Variants in NID2 observed in about 807,000 individuals in gnomAD.
The protein encoded by NID2 is nidogen-2.
NID2 carries 83 observed loss-of-function variants against 145.4 expected under a neutral mutation model. The observed-to-expected ratio is 0.57, with a 90% CI of 0.48 to 0.69. The LOEUF is 0.69. NID2 is among the 30% of genes least tolerant of loss of function. The pLI is 0.00. For missense variants in NID2, 1,807 were observed against 1,765.7 expected, an observed-to-expected ratio of 1.02 and a Z score of -0.42; for synonymous variants, 739 against 701.3, an observed-to-expected ratio of 1.05 and a Z score of -0.85.
intron 2 of NID2, among the ~76,000 whole-genome samples, chr14:52,067,088 T>A (rs893642358): frequency 2.0e-5 from 3 of 152,214 alleles, no homozygotes; most frequent in African/African-American, 7.2e-5. Context: ...CAATTGCACT[T>A]CCTGGAATGT....
intron 11 of NID2, among the ~76,000 whole-genome samples, chr14:52,028,284 TG>T (rs201916067): frequency 5.3e-5 from 8 of 150,858 alleles, no homozygotes; most frequent in African/African-American, 9.7e-5. Context: ...TTTTTTTTTT[TG>T]TTTTTTTGAG....
chr14:52,060,511 A>G (rs1460917953), intron 2 of NID2, among the ~76,000 whole-genome samples, 155 bp from the exon 3 acceptor site: 1 of 152,228 alleles, frequency 6.6e-6, no homozygotes. Flanking sequence ...TTTAAACATA[A>G]CCTTCTTTAA....
At position 52,005,016 on chromosome 14, in the gene NID2, G is replaced by GAAACTATAAATAATTGGTCCTTTC. The variant is rs2140334054; in HGVS notation, c.*446_*469dup. Reference sequence around the variant, plus strand: ...TAAAAAATCTTAGAACTTTTGTTGGGAAACTATAAATAATTGGTCCTTTCC... The same window carrying GAAACTATAAATAATTGGTCCTTTC: ...TAAAAAATCTTAGAACTTTTGTTGGGAAACTATAAATAATTGGTCCTTTCAAACTATAAATAATTGGTCCTTTCC... On this transcript the variant is annotated 3_prime_UTR_variant, in exon 22 of 22. Coordinates refer to ENST00000216286, the MANE Select transcript of NID2 (RefSeq NM_007361.4). 6.4e-6 allele frequency: 1 copy of GAAACTATAAATAATTGGTCCTTTC among 157,390 alleles called. No individual in the cohort carries two copies. Among genetic ancestry groups the GAAACTATAAATAATTGGTCCTTTC allele is most frequent in the East Asian group, 1.9e-4 (1 of 5,284 alleles). The allele number at this position is 157,390 out of a possible 1,614,324, so 9.7% of individuals were successfully genotyped here. A position where few individuals can be genotyped will look rare whatever the true frequency, so the allele number is the denominator to read the frequency against.
intron 18 of NID2, chr14:52,010,039 A>G (rs1738237365): frequency 6.6e-6 from 1 of 152,250 alleles, no homozygotes; most frequent in Non-Finnish European, 1.5e-5. Context: ...CAAATGTCAG[A>G]AAGGCAAGCC....
At chr14:52,024,063 T>C (rs1362512394) in intron 12 of NID2, among the ~76,000 whole-genome samples, 1 of 152,244 alleles carries the variant, frequency 6.6e-6, no homozygotes, top group African/African-American at 2.4e-5. Flanking sequence ...GTTACTTTCA[T>C]GATTAGCCTA....
chr14:52,036,073 T>C (rs1892060378), intron 9 of NID2, among the ~76,000 whole-genome samples: 1 of 151,846 alleles, frequency 6.6e-6, no homozygotes, highest in African/African-American at 2.4e-5. Flanking sequence ...TTAAACAATT[T>C]CGTCTATTCA....
chr14:52,066,037 G>A (rs1893196236), intron 2 of NID2, among the ~76,000 whole-genome samples: 2 of 151,714 alleles, frequency 1.3e-5, no homozygotes, highest in African/African-American at 4.9e-5. Context: ...GGATGGCTGG[G>A]TCAAATGGTA....
chr14:52,014,915 A>G (rs1431679500), intron 15 of NID2, 139 bp downstream of exon 15: 4 of 716,358 alleles, frequency 5.6e-6, no homozygotes, highest in Admixed American at 2.7e-5. Context: ...GGACCAGATT[A>G]TAAATCAACA....
In NID2 at chr14:52,023,616, TCCTCC is replaced by T. The variant is rs1200629409; in HGVS notation, c.2675-3443_2675-3439del. ...CCCAGCTTCCTCCACTCACACTTGC[TCCTCC>T]TGGGAAGGTCCCAACTCAAGACAAT... On this transcript the variant is annotated intron_variant, in intron 12 of 21. Coordinates refer to ENST00000216286, the MANE Select transcript of NID2 (RefSeq NM_007361.4). 6.4e-4 allele frequency among the ~76,000 whole-genome samples: 98 copies of T among 152,218 alleles called. 1 individual carries two copies. Among genetic ancestry groups the T allele is most frequent in the Admixed American group, 5.6e-3 (86 of 15,276 alleles).
intron 9 of NID2, among the ~76,000 whole-genome samples, chr14:52,036,224 G>A (rs1892065683): frequency 6.6e-6 from 1 of 152,100 alleles, no homozygotes; most frequent in Admixed American, 6.5e-5. Context: ...TTCTATGTAT[G>A]TGGATTTGCC....
chr14:52,017,242 C>T lies in NID2; in HGVS notation c.3028+1819G>A, dbSNP rs79952717. On this transcript the variant is annotated intron_variant, in intron 14 of 21. Transcript: ENST00000216286. ...CCTGGGAAATGGGTGTCCCAAATCA[C>T]TCATACATGGGCATCCCTTTCATTC... Among the ~76,000 whole-genome samples the T allele has an allele frequency of 3.3e-5, 5 of 152,326 alleles. No homozygotes were observed. The East Asian group carries it at 9.6e-4, about 29-fold the overall frequency.
At position 52,005,433 on chromosome 14, in the gene NID2, T is replaced by C. The variant is rs1890730028; in HGVS notation, c.*53A>G. The stretch of plus-strand genomic sequence containing the variant: ...TCTTTGCCTTTGCAGTCACTGTTCT[T>C]TAGGGTCCAGGTTCTGATTGTAAAC... On this transcript the variant is annotated 3_prime_UTR_variant, in exon 22 of 22. Transcript: ENST00000216286. The C allele has an allele frequency of 5.3e-6, 8 of 1,515,254 alleles. No individual in the cohort carries two copies. In the Admixed American group the frequency reaches 1.3e-4, roughly 25 times the overall value. The allele number at this position is 1,515,254 out of a possible 1,614,324, so 93.9% of individuals were successfully genotyped here.
chr14:52,035,886 TTTTGTAGAGACAGGGTTTCACC>T (rs1167849325), intron 9 of NID2, among the ~76,000 whole-genome samples: 1 of 24,472 alleles, frequency 4.1e-5, no homozygotes, highest in Non-Finnish European at 9.3e-5. Context: ...ATATGTTTTA[TTTTGTAGAGACAGGGTTTCACC>T]ATGTTGGCCA....
At chr14:52,014,227 A>G (rs1213351826) in intron 16 of NID2, 60 bp downstream of exon 16, 1 of 1,603,562 alleles carries the variant, frequency 6.2e-7, no homozygotes, top group African/African-American at 1.3e-5. Flanking sequence ...AGGGCCTGTG[A>G]GGTGGCTCCC....
At chr14:52,033,408 A>AC (rs1403437898) in intron 9 of NID2, among the ~76,000 whole-genome samples, 2 of 152,186 alleles carry the variant, frequency 1.3e-5, no homozygotes, top group African/African-American at 2.4e-5. Flanking sequence ...CAACCAACCA[A>AC]CAACAACAAA....
In NID2 at chr14:52,030,486, AAAG is replaced by A. The variant is rs775315065; in HGVS notation, c.2258-799_2258-797del. Reference sequence around the variant, plus strand: ...GACCTTATCTCGAGAGAAAGAAAAGAAAGAAAGAAAGAAAGAGAAAGAAAGAAA... The same window carrying A: ...GACCTTATCTCGAGAGAAAGAAAAGAAAAGAAAGAAAGAGAAAGAAAGAAA... On this transcript the variant is annotated intron_variant, in intron 9 of 21. Transcript: ENST00000216286. Among the ~76,000 whole-genome samples the A allele has an allele frequency of 4.8e-3, 478 of 100,450 alleles. 12 individuals carry two copies. The highest frequency in any genetic ancestry group is 5.9e-3 in the Non-Finnish European group (282 of 47,844). The allele number at this position is 100,450 out of a possible 152,430, so 65.9% of individuals were successfully genotyped here. A position where few individuals can be genotyped will look rare whatever the true frequency, so the allele number is the denominator to read the frequency against.
At chr14:52,030,552 G>A (rs1891788005) in intron 9 of NID2, among the ~76,000 whole-genome samples, 1 of 50,666 alleles carries the variant, frequency 2.0e-5, no homozygotes, top group Non-Finnish European at 4.2e-5. Flanking sequence ...AAGAAAGAAA[G>A]AAAGAAAGAA....
chr14:52,053,617 T>A lies in NID2; in HGVS notation c.1391A>T (p.Glu464Val). 6.2e-7 allele frequency: 1 copy of A among 1,614,230 alleles called. No homozygotes were observed. The highest frequency in any genetic ancestry group is 8.5e-7 in the Non-Finnish European group (1 of 1,180,030). ...ACCTATGTTGTCTTCCAGTCCCACC[T>A]CATACGTCCCTCGACTTAAGGGTGT... Reference protein sequence around the residue: ...HTTPLSRGTYEVGLEDNIGSN... With the variant: ...HTTPLSRGTYVVGLEDNIGSN... The change falls in exon 5 of 22, where the codon GAG (glutamate) becomes GTG (valine). Residue 464 changes from glutamate to valine, a missense_variant. Coordinates refer to ENST00000216286, the MANE Select transcript of NID2 (RefSeq NM_007361.4).
intron 2 of NID2, among the ~76,000 whole-genome samples, chr14:52,063,662 C>T (rs1310002855): frequency 2.0e-5 from 3 of 152,210 alleles, no homozygotes; most frequent in African/African-American, 7.2e-5. Flanking sequence ...TAGGGTGACT[C>T]TTATAGGGGT....
Sources: allele counts gnomAD v4.1 joint callset (sites outside exome capture counted in the v4.1 genomes callset), GRCh38; gene constraint gnomAD v4.1.1; transcripts MANE v1.5; gene names NCBI Gene and HGNC (gene_info 2026-07-23, HGNC 2026-07-21).